RAD51B: variants seen among roughly 807,000 people sequenced by gnomAD.
The protein encoded by RAD51B is RAD51 paralog B, also known as DNA repair protein RAD51 homolog 2.
A neutral mutation model predicts 42.2 loss-of-function variants in RAD51B; 38 were observed. That is an observed-to-expected ratio of 0.90 (90% CI 0.70 to 1.18). RAD51B has a LOEUF of 1.18. Among genes scored for constraint, RAD51B ranks in the 50% most tolerant of loss-of-function variants. The pLI is 0.00. For missense variants in RAD51B, 373 were observed against 400.7 expected, an observed-to-expected ratio of 0.93 and a Z score of 0.59; for synonymous variants, 154 against 145.2, an observed-to-expected ratio of 1.06 and a Z score of -0.43.
chr14:68,563,214 C>T, intron 10 of RAD51B: 1 of 985,434 alleles, frequency 1.0e-6, no homozygotes, highest in South Asian at 4.7e-5. Context: ...GCAGTTTTCT[C>T]CTCCGTCTCT....
intron 10 of RAD51B, among the ~76,000 whole-genome samples, chr14:68,488,856 A>G (rs1186487323): frequency 6.6e-6 from 1 of 152,244 alleles, no homozygotes; most frequent in South Asian, 2.1e-4. Flanking sequence ...GACAATTGTT[A>G]TCTTGTGGGA....
intron 7 of RAD51B, among the ~76,000 whole-genome samples, chr14:67,986,438 T>G (rs2075194913): frequency 6.6e-6 from 1 of 152,238 alleles, no homozygotes; most frequent in South Asian, 2.1e-4. Context: ...GAACATGCAC[T>G]GTGAATACTG....
chr14:68,301,832 A>T (rs1299549542), intron 8 of RAD51B, among the ~76,000 whole-genome samples: 1 of 152,098 alleles, frequency 6.6e-6, no homozygotes, highest in Non-Finnish European at 1.5e-5. Flanking sequence ...CCTGACCTCA[A>T]GTGATCCACC....
chr14:68,530,386 A>G (rs1484974325), intron 10 of RAD51B, among the ~76,000 whole-genome samples: 1 of 145,680 alleles, frequency 6.9e-6, no homozygotes, highest in African/African-American at 2.5e-5. Flanking sequence ...GGTCAAGGCT[A>G]CAGTGAGCCA....
intron 1 of RAD51B, among the ~76,000 whole-genome samples, chr14:67,822,646 C>T (rs549162478): frequency 2.6e-5 from 4 of 152,088 alleles, no homozygotes; most frequent in African/African-American, 9.6e-5. Flanking sequence ...TTGCTTGAGC[C>T]CAGGAGGGGG....
At chr14:68,622,736 A>C (rs954355437) in intron 10 of RAD51B, among the ~76,000 whole-genome samples, 3 of 151,746 alleles carry the variant, frequency 2.0e-5, no homozygotes, top group South Asian at 2.1e-4. Context: ...AAAAAAAAAA[A>C]AAAAAAACTG....
intron 8 of RAD51B, among the ~76,000 whole-genome samples, chr14:68,377,400 A>G (rs1221658146): frequency 1.3e-5 from 2 of 152,210 alleles, no homozygotes; most frequent in East Asian, 3.8e-4. Context: ...GCTCAGGACC[A>G]TATTCTTCCT....
intron 7 of RAD51B, among the ~76,000 whole-genome samples, chr14:68,257,699 C>G (rs1052207872): frequency 6.6e-6 from 1 of 152,064 alleles, no homozygotes; most frequent in Non-Finnish European, 1.5e-5. Context: ...TGAAAGATTT[C>G]TCTCTTAACA....
At chr14:68,036,734 T>C (rs1454291749) in intron 7 of RAD51B, among the ~76,000 whole-genome samples, 2 of 152,200 alleles carry the variant, frequency 1.3e-5, no homozygotes, top group African/African-American at 4.8e-5. Context: ...TTTTACATTT[T>C]AAAATGTAGG....
intron 10 of RAD51B, among the ~76,000 whole-genome samples, chr14:68,574,001 TG>T (rs1889843256): frequency 6.6e-6 from 1 of 151,972 alleles, no homozygotes; most frequent in Admixed American, 6.6e-5. Context: ...TGTGTGTGTG[TG>T]TGTGCTCACT....
rs571367797 is a variant in RAD51B at position 68,238,247 on chromosome 14, A to G, written c.757-53637A>G. Among the ~76,000 whole-genome samples, 50 of 152,240 alleles carry G rather than the reference A, an allele frequency of 3.3e-4. 1 individual carries two copies. In the South Asian group the frequency reaches 0.01, roughly 31 times the overall value. On this transcript the variant is annotated intron_variant, in intron 7 of 10. Coordinates refer to ENST00000471583, the MANE Select transcript of RAD51B (RefSeq NM_133510.4). ...GAAGTGGTATTTCATGGTGATTTTG[A>G]TCAGAAACATTTTTCACAAAATAGA... is the stretch of plus-strand genomic sequence containing the variant.
At position 68,126,859 on chromosome 14, in the gene RAD51B, C is replaced by T. The variant is rs531284567; in HGVS notation, c.757-165025C>T. Among the ~76,000 whole-genome samples, 16 of 152,186 alleles carry T rather than the reference C, an allele frequency of 1.1e-4. No individual in the cohort carries two copies. The South Asian group carries it at 2.7e-3, about 26-fold the overall frequency. On this transcript the variant is annotated intron_variant, in intron 7 of 10. Coordinates refer to ENST00000471583, the MANE Select transcript of RAD51B (RefSeq NM_133510.4). ...AAGGTGTTTGGGTGGATTCGTTCTA[C>T]GGAGAATATATTTGCTTATTGCAGT...
At chr14:68,266,107 T>C (rs1178862207) in intron 7 of RAD51B, among the ~76,000 whole-genome samples, 1 of 152,228 alleles carries the variant, frequency 6.6e-6, no homozygotes, top group Non-Finnish European at 1.5e-5. Flanking sequence ...GGGGTAGGCT[T>C]TAGGTTCCTG....
chr14:68,064,522 T>A (rs2076618920), intron 7 of RAD51B, among the ~76,000 whole-genome samples: 1 of 152,150 alleles, frequency 6.6e-6, no homozygotes, highest in Non-Finnish European at 1.5e-5. Flanking sequence ...TCAGCTATTA[T>A]TTTATTAAAT....
At position 67,966,768 on chromosome 14, in the gene RAD51B, C is replaced by T. The variant is rs370637076; in HGVS notation, c.756+79564C>T. On this transcript the variant is annotated intron_variant, in intron 7 of 10. Transcript: ENST00000471583. ...CTTACTCTGCCTCTCAGTTTGCAAA[C>T]TTGCTTTTTTGACTCTGCCCGTAGA... is the stretch of plus-strand genomic sequence containing the variant. Among the ~76,000 whole-genome samples, 274 of 152,302 alleles carry T rather than the reference C, an allele frequency of 1.8e-3. 2 individuals are homozygous for T. The highest frequency in any genetic ancestry group is 3.3e-3 in the Non-Finnish European group (224 of 68,032).
At chr14:68,087,547 A>T (rs2140505406) in intron 7 of RAD51B, among the ~76,000 whole-genome samples, 1 of 152,052 alleles carries the variant, frequency 6.6e-6, no homozygotes, top group Non-Finnish European at 1.5e-5. Flanking sequence ...ACAACAGCTC[A>T]CTTTCTTCTG....
intron 10 of RAD51B, among the ~76,000 whole-genome samples, chr14:68,510,376 G>A (rs117199999): frequency 0.042 from 6,386 of 152,292 alleles, 177 homozygotes; most frequent in Non-Finnish European, 0.062. Context: ...GGTAGAGTAG[G>A]AGGCTGGGGG....
chr14:67,910,073 T>G (rs2043917202), intron 7 of RAD51B, among the ~76,000 whole-genome samples: 2 of 152,204 alleles, frequency 1.3e-5, no homozygotes, highest in Admixed American at 1.3e-4. Flanking sequence ...TTAAGATCTA[T>G]CAATATGTCT....
intron 4 of RAD51B, among the ~76,000 whole-genome samples, chr14:67,853,246 A>G (rs1595004201): frequency 6.6e-6 from 1 of 152,234 alleles, no homozygotes; most frequent in East Asian, 1.9e-4. Context: ...ACCTCCAGAT[A>G]AGAGTCCAGC....
Sources: allele counts gnomAD v4.1 joint callset (sites outside exome capture counted in the v4.1 genomes callset), GRCh38; gene constraint gnomAD v4.1.1; transcripts MANE v1.5; gene names NCBI Gene and HGNC (gene_info 2026-07-23, HGNC 2026-07-21).